POLR2H: variants seen among roughly 807,000 people sequenced by gnomAD.
POLR2H encodes the protein RNA polymerase II, I and III subunit H, also known as DNA-directed RNA polymerases I, II, and III subunit RPABC3.
Under a neutral mutation model 18.1 loss-of-function variants are expected in POLR2H, and 3 were observed. The observed-to-expected ratio is 0.17, with a 90% CI of 0.08 to 0.43. The LOEUF is 0.43. Ranked by LOEUF, POLR2H falls within the 20% of genes least tolerant of loss-of-function variation. The pLI is 0.99. For synonymous variants in POLR2H, 76 were observed against 69.0 expected (o/e 1.10, Z -0.50); for missense variants, 103 against 184.6 (o/e 0.56, Z 2.56).
At chr3:184,365,990 AAAG>A (rs1713200952) in intron 4 of POLR2H, among the ~76,000 whole-genome samples, 1 of 151,948 alleles carries the variant, frequency 6.6e-6, no homozygotes, top group Non-Finnish European at 1.5e-5. Flanking sequence ...AAAAAAAAAA[AAAG>A]AAAAAAATTC....
chr3:184,367,785 C>T (rs1453262468), intron 5 of POLR2H, among the ~76,000 whole-genome samples: 2 of 152,096 alleles, frequency 1.3e-5, no homozygotes, highest in Non-Finnish European at 2.9e-5. Context: ...CCACCGTGCC[C>T]GGCCGGTGTA....
chr3:184,367,518 G>A (rs977970413), intron 5 of POLR2H, among the ~76,000 whole-genome samples: 5 of 143,998 alleles, frequency 3.5e-5, no homozygotes, highest in African/African-American at 1.3e-4. Context: ...ATGGAGTCTT[G>A]CTGTGTTGCC....
chr3:184,366,635 G>T (rs1713352151), intron 4 of POLR2H, 82 bp from the exon 5 acceptor site: 1 of 849,640 alleles, frequency 1.2e-6, no homozygotes, highest in Non-Finnish European at 2.0e-6. Context: ...ACCACGCCCG[G>T]CTGACCAGTA....
At chr3:184,364,207 TGA>T (rs2108596032) in intron 2 of POLR2H, among the ~76,000 whole-genome samples, 1 of 152,278 alleles carries the variant, frequency 6.6e-6, no homozygotes, top group East Asian at 1.9e-4. Context: ...AAGTCTTCTT[TGA>T]GTTAGAGTTA....
At position 184,363,276 on chromosome 3, in the gene POLR2H, A is replaced by G. The variant is rs554263015; in HGVS notation, c.-217A>G. The G allele has an allele frequency of 4.2e-3, 2,508 of 599,880 alleles. 10 individuals carry two copies. Among genetic ancestry groups the G allele is most frequent in the Non-Finnish European group, 5.4e-3 (1,805 of 332,202 alleles). The allele number at this position is 599,880 out of a possible 1,614,324, so 37.2% of individuals were successfully genotyped here. ...TCAATGCCGAAGCCTCTCGGAAGCA[A>G]TCTTTCGGGACGGAAGTTAAGTAGC... On this transcript the variant is annotated 5_prime_UTR_variant, in exon 2 of 6. Transcript: ENST00000456318.
In POLR2H at chr3:184,363,222, G is replaced by A; in HGVS notation, c.-271G>A. The A allele has an allele frequency of 1.9e-6, 1 of 525,764 alleles. No homozygotes were observed. The highest frequency in any genetic ancestry group is 2.0e-5 in the South Asian group (1 of 50,620). 32.6% of individuals were successfully genotyped at this position (525,764 alleles called of 1,614,324 possible). ...ACAGCCTATTGCTTCCCCGCCCTGGGCAGAGCCACCTGGACATGAGACCCG... is the reference window on the plus strand; with the variant it reads ...ACAGCCTATTGCTTCCCCGCCCTGGACAGAGCCACCTGGACATGAGACCCG... On this transcript the variant is annotated 5_prime_UTR_variant, in exon 2 of 6. Coordinates refer to ENST00000456318, the MANE Select transcript of POLR2H (RefSeq NM_006232.5).
Position 184,362,023 on chromosome 3 carries a change from C to G in POLR2H, c.-744C>G, listed in dbSNP as rs1712216892. On this transcript the variant is annotated 5_prime_UTR_variant, in exon 1 of 6. Coordinates refer to ENST00000456318, the MANE Select transcript of POLR2H (RefSeq NM_006232.5). The surrounding 1 kb of genome is among the most constrained non-coding windows in gnomAD (Gnocchi z 5.9). Reference sequence around the variant, plus strand: ...CCTCCCCTCTGCCCCTCCGAAGAGACGAGCGGCCCAGACAGGCCTGGGAAG... The same window carrying G: ...CCTCCCCTCTGCCCCTCCGAAGAGAGGAGCGGCCCAGACAGGCCTGGGAAG... The G allele has an allele frequency of 6.5e-6, 1 of 152,782 alleles. No homozygotes were observed. Among genetic ancestry groups the G allele is most frequent in the African/African-American group, 2.4e-5 (1 of 41,478 alleles). The allele number at this position is 152,782 out of a possible 1,614,324, so 9.5% of individuals were successfully genotyped here.
chr3:184,368,404 C>A lies in POLR2H; in HGVS notation c.*110C>A. ...TGTTGAGGAAGGGCTGGCTCACTGTCCACCGTGGCGGCATCTTTAACTGGC... is the reference window on the plus strand; with the variant it reads ...TGTTGAGGAAGGGCTGGCTCACTGTACACCGTGGCGGCATCTTTAACTGGC... On this transcript the variant is annotated 3_prime_UTR_variant, in exon 6 of 6. Transcript: ENST00000456318. 3.4e-6 allele frequency: 3 copies of A among 877,314 alleles called. No homozygotes were observed. The highest frequency in any genetic ancestry group is 2.0e-5 in the South Asian group (1 of 49,858). The allele number at this position is 877,314 out of a possible 1,614,324, so 54.3% of individuals were successfully genotyped here.
chr3:184,366,781 A>G lies in POLR2H; in HGVS notation c.316A>G (p.Thr106Ala). The change falls in exon 5 of 6, where the codon ACT (threonine) becomes GCT (alanine). Residue 106 changes from threonine to alanine, a missense_variant. Thr to Ala is a moderately conservative substitution (Grantham distance 58, BLOSUM62 0). Coordinates refer to ENST00000456318, the MANE Select transcript of POLR2H (RefSeq NM_006232.5). ...VYRIEGDETS[T>A]EAATRLSAYV... Reference sequence around the variant, plus strand: ...CAGGATTGAGGGAGATGAAACTTCTACTGAAGCAGCAACACGCCTGTAAGT... The same window carrying G: ...CAGGATTGAGGGAGATGAAACTTCTGCTGAAGCAGCAACACGCCTGTAAGT... 1 of 1,593,672 alleles carries G rather than the reference A, an allele frequency of 6.3e-7. No homozygotes were observed. Among genetic ancestry groups the G allele is most frequent in the African/African-American group, 1.3e-5 (1 of 74,626 alleles).
rs764478367 is a variant in POLR2H at position 184,366,738 on chromosome 3, A to G, written c.273A>G (p.Val91=). The G allele has an allele frequency of 3.1e-6, 5 of 1,602,282 alleles. No homozygotes were observed. The Admixed American group carries it at 8.3e-5, about 27-fold the overall frequency. The part of the protein sequence containing the change: ...RPSRADQFEY[V]MYGKVYRIEG... ...ATAGGGCTGACCAGTTTGAGTATGT[A>G]ATGTATGGAAAAGTGTACAGGATTG... Residue 91 remains valine, a synonymous_variant, in exon 5 of 6, where the codon GTA becomes GTG. Coordinates refer to ENST00000456318, the MANE Select transcript of POLR2H (RefSeq NM_006232.5).
intron 2 of POLR2H, 108 bp downstream of exon 2, chr3:184,363,673 C>T: frequency 1.3e-6 from 1 of 776,840 alleles, no homozygotes; most frequent in Non-Finnish European, 2.2e-6. Context: ...CCAGCAGGTC[C>T]TGGTGTAGGG....
At chr3:184,368,154 C>T (rs765707328) in intron 5 of POLR2H, 23 bp from the exon 6 acceptor site, 15 of 1,613,818 alleles carry the variant, frequency 9.3e-6, no homozygotes, top group South Asian at 3.3e-5. Context: ...TCCAGAATCA[C>T]GGGATGGGGC....
Position 184,366,701 on chromosome 3 carries a change from T to G in POLR2H, c.252-16T>G. The G allele has an allele frequency of 6.9e-7, 1 of 1,453,336 alleles. No homozygotes were observed. The highest frequency in any genetic ancestry group is 1.1e-5 in the South Asian group (1 of 87,750). 90.0% of individuals were successfully genotyped at this position (1,453,336 alleles called of 1,614,324 possible). A position where few individuals can be genotyped will look rare whatever the true frequency, so the allele number is the denominator to read the frequency against. ...TAATTACTGTTAAGAATAACTTTGC[T>G]GCTATTGCTCCATAGGGCTGACCAG... On this transcript the variant is annotated splice_polypyrimidine_tract_variant and intron_variant, in intron 4 of 5. Transcript: ENST00000456318.
rs1713717891 is a variant in POLR2H at position 184,368,446 on chromosome 3, A to G, written c.*152A>G. 1.8e-6 allele frequency: 1 copy of G among 542,948 alleles called. No homozygotes were observed. Among genetic ancestry groups the G allele is most frequent in the Non-Finnish European group, 3.2e-6 (1 of 311,604 alleles). 33.6% of individuals were successfully genotyped at this position (542,948 alleles called of 1,614,324 possible). ...TTAACTGGCCTCCACTCAATGGGAAACTGACTCGCCTGTGAAAGACACAGT... is the reference window on the plus strand; with the variant it reads ...TTAACTGGCCTCCACTCAATGGGAAGCTGACTCGCCTGTGAAAGACACAGT... On this transcript the variant is annotated 3_prime_UTR_variant, in exon 6 of 6. Coordinates refer to ENST00000456318, the MANE Select transcript of POLR2H (RefSeq NM_006232.5).
chr3:184,366,499 G>A (rs977154379), intron 4 of POLR2H: 29 of 345,264 alleles, frequency 8.4e-5, no homozygotes, highest in South Asian at 5.6e-5. Flanking sequence ...TACCACGCCC[G>A]GCTAATTTTT....
chr3:184,365,168 T>A lies in POLR2H; in HGVS notation c.193T>A (p.Tyr65Asn). The change falls in exon 4 of 6, where the codon TAT becomes AAT. Residue 65 changes from tyrosine to asparagine, a missense_variant. Transcript: ENST00000456318. ...KFRLVIASTL[Y>N]EDGTLDDGEY... ...TCGGTTGGTCATAGCTAGTACCTTG[T>A]ATGAAGATGGTACCCTGGATGATGG... The A allele has an allele frequency of 6.2e-7, 1 of 1,613,654 alleles. No individual in the cohort carries two copies. The highest frequency in any genetic ancestry group is 8.5e-7 in the Non-Finnish European group (1 of 1,179,534).
In POLR2H at chr3:184,367,488, TTTTC is replaced by T. The variant is rs1240709248; in HGVS notation, c.336-685_336-682del. Among the ~76,000 whole-genome samples the T allele has an allele frequency of 2.8e-4, 40 of 142,892 alleles. No individual in the cohort carries two copies. In the East Asian group the frequency reaches 5.5e-3, roughly 20 times the overall value. 93.7% of individuals were successfully genotyped at this position (142,892 alleles called of 152,430 possible). ...AGTGTAAAGCTTTTCTTTTCTTTTCTTTTCTTTTTTTTTTTTGAGATGGAGTCTT... is the reference window on the plus strand; with the variant it reads ...AGTGTAAAGCTTTTCTTTTCTTTTCTTTTTTTTTTTTTGAGATGGAGTCTT... On this transcript the variant is annotated intron_variant, in intron 5 of 5. Coordinates refer to ENST00000456318, the MANE Select transcript of POLR2H (RefSeq NM_006232.5).
chr3:184,365,075 AAG>A, intron 3 of POLR2H, 26 bp downstream of exon 3: 4 of 1,577,920 alleles, frequency 2.5e-6, no homozygotes, highest in Non-Finnish European at 3.5e-6. Flanking sequence ...AGACAATAAT[AAG>A]AGACTTTTTG....
At chr3:184,366,642 A>G in intron 4 of POLR2H, 75 bp from the exon 5 acceptor site, 2 of 917,254 alleles carry the variant, frequency 2.2e-6, no homozygotes, top group Admixed American at 1.8e-5. Flanking sequence ...CCGGCTGACC[A>G]GTAACCATTT....
Sources: allele counts gnomAD v4.1 joint callset (sites outside exome capture counted in the v4.1 genomes callset), GRCh38; gene constraint gnomAD v4.1.1; non-coding constraint Gnocchi (gnomAD v3.1); transcripts MANE v1.5; gene names NCBI Gene and HGNC (gene_info 2026-07-23, HGNC 2026-07-21).